Variants in DYNC1I2 observed in about 807,000 individuals in gnomAD.
DYNC1I2 encodes the protein dynein cytoplasmic 1 intermediate chain 2, also known as cytoplasmic dynein 1 intermediate chain 2.
Under a neutral mutation model 88.6 loss-of-function variants are expected in DYNC1I2, and 53 were observed. The observed-to-expected ratio is 0.60, with a 90% CI of 0.48 to 0.75. The LOEUF (loss-of-function observed/expected upper bound fraction) is 0.75, where lower values mean the gene tolerates loss of function less well. DYNC1I2 is among the 30% of genes least tolerant of loss of function. The pLI is 0.00. For synonymous variants in DYNC1I2, 198 were observed against 254.6 expected, an observed-to-expected ratio of 0.78 and a Z score of 2.12; for missense variants, 458 against 766.6, an observed-to-expected ratio of 0.60 and a Z score of 4.75.
Position 171,725,952 on chromosome 2 carries a change from A to G in DYNC1I2, c.641A>G (p.Gln214Arg). 1.3e-6 allele frequency: 2 copies of G among 1,580,544 alleles called. No individual in the cohort carries two copies. Among genetic ancestry groups the G allele is most frequent in the Non-Finnish European group, 1.7e-6 (2 of 1,170,996 alleles). ...PPHELTEEEK[Q>R]QILHSEEFLS... Reference sequence around the variant, plus strand: ...CATGAGCTGACTGAAGAAGAAAAGCAACAAATCTTGCACTCTGAGGAATTT... The same window carrying G: ...CATGAGCTGACTGAAGAAGAAAAGCGACAAATCTTGCACTCTGAGGAATTT... Residue 214 changes from glutamine to arginine, a missense_variant, in exon 9 of 18, where the codon CAA (glutamine) becomes CGA (arginine). Physicochemically the swap from Gln to Arg is conservative, Grantham distance 43. Transcript: ENST00000397119.
intron 3 of DYNC1I2, among the ~76,000 whole-genome samples, chr2:171,699,270 G>A (rs1005783485): frequency 6.6e-6 from 1 of 152,092 alleles, no homozygotes; most frequent in Non-Finnish European, 1.5e-5. Context: ...TCGCGCCATT[G>A]CACTCCAGCC....
chr2:171,730,290 G>A (rs906289625), intron 15 of DYNC1I2, among the ~76,000 whole-genome samples: 1 of 152,200 alleles, frequency 6.6e-6, no homozygotes, highest in Non-Finnish European at 1.5e-5. Context: ...GAGAGAAACT[G>A]ATTTACAATA....
At chr2:171,723,364 A>C (rs1688022593) in intron 7 of DYNC1I2, among the ~76,000 whole-genome samples, 1 of 152,238 alleles carries the variant, frequency 6.6e-6, no homozygotes, top group Non-Finnish European at 1.5e-5. Context: ...ACACTTGATT[A>C]GGATAACTGG....
intron 2 of DYNC1I2, among the ~76,000 whole-genome samples, chr2:171,690,568 A>T (rs952381339): frequency 1.3e-5 from 2 of 151,822 alleles, no homozygotes; most frequent in East Asian, 1.9e-4. Flanking sequence ...CTAAAATTTG[A>T]TTTATTAAAG....
At chr2:171,710,587 GA>G (rs1687043893) in intron 5 of DYNC1I2, among the ~76,000 whole-genome samples, 2 of 152,110 alleles carry the variant, frequency 1.3e-5, no homozygotes, top group African/African-American at 4.8e-5. Flanking sequence ...AAGGTCGTGA[GA>G]AATAATCTCT....
In DYNC1I2 at chr2:171,733,459, CTTTTTTTTTTTTTT is replaced by C. The variant is rs61079902; in HGVS notation, c.1536+3623_1536+3636del. Among the ~76,000 whole-genome samples the C allele has an allele frequency of 5.8e-3, 324 of 55,824 alleles. 1 individual carries two copies. Among genetic ancestry groups the C allele is most frequent in the African/African-American group, 0.021 (302 of 14,194 alleles). The allele number at this position is 55,824 out of a possible 152,430, so 36.6% of individuals were successfully genotyped here. ...TTTTTCTCCACAACCTTGCCAGCAT[CTTTTTTTTTTTTTT>C]TTTTTTTTTTTTTTTTGCTTTTTAA... On this transcript the variant is annotated intron_variant, in intron 15 of 17. Coordinates refer to ENST00000397119, the MANE Select transcript of DYNC1I2 (RefSeq NM_001378.3).
intron 2 of DYNC1I2, among the ~76,000 whole-genome samples, chr2:171,692,090 TA>T (rs1169188630): frequency 2.0e-5 from 3 of 151,984 alleles, no homozygotes; most frequent in Non-Finnish European, 4.4e-5. Flanking sequence ...GAGATTTACA[TA>T]AAAAAAACTT....
chr2:171,726,350 G>T, intron 10 of DYNC1I2, 57 bp downstream of exon 10: 1 of 1,198,962 alleles, frequency 8.3e-7, no homozygotes, highest in Non-Finnish European at 1.2e-6. Flanking sequence ...TAATTAGCAG[G>T]TCATTTTATT....
intron 5 of DYNC1I2, among the ~76,000 whole-genome samples, chr2:171,710,194 A>T (rs1248509678): frequency 6.6e-6 from 1 of 151,772 alleles, no homozygotes; most frequent in Non-Finnish European, 1.5e-5. Context: ...AATTCTACTA[A>T]ATCATATCCA....
intron 6 of DYNC1I2, 67 bp from the exon 7 acceptor site, chr2:171,715,261 C>T: frequency 1.9e-6 from 2 of 1,033,630 alleles, no homozygotes; most frequent in East Asian, 5.3e-5. Flanking sequence ...CTGTTTAATT[C>T]TTAATTTTTG....
intron 15 of DYNC1I2, among the ~76,000 whole-genome samples, chr2:171,737,610 G>T (rs1689100238): frequency 6.6e-6 from 1 of 152,124 alleles, no homozygotes; most frequent in Admixed American, 6.5e-5. Context: ...TAGAGACAGG[G>T]TTTCACCATG....
At chr2:171,703,806 G>A (rs1011252095) in intron 3 of DYNC1I2, among the ~76,000 whole-genome samples, 1 of 152,122 alleles carries the variant, frequency 6.6e-6, no homozygotes, top group African/African-American at 2.4e-5. Context: ...GTGTCCAGAA[G>A]GGGGCATTAT....
chr2:171,738,274 G>A (rs1689153813), intron 15 of DYNC1I2, among the ~76,000 whole-genome samples: 3 of 152,024 alleles, frequency 2.0e-5, no homozygotes, highest in African/African-American at 7.3e-5. Flanking sequence ...GGAGGTTGCA[G>A]TGAGCTGAGA....
chr2:171,694,933 A>C (rs1195268757), intron 3 of DYNC1I2, among the ~76,000 whole-genome samples: 4 of 152,268 alleles, frequency 2.6e-5, no homozygotes, highest in Non-Finnish European at 5.9e-5. Flanking sequence ...AGAGATTTGG[A>C]GGGGATGTCC....
intron 7 of DYNC1I2, among the ~76,000 whole-genome samples, chr2:171,722,421 G>A (rs113006241): frequency 2.6e-5 from 4 of 152,234 alleles, no homozygotes; most frequent in African/African-American, 7.2e-5. Context: ...CAGAGAAAGC[G>A]TGGAGTTAAC....
intron 7 of DYNC1I2, among the ~76,000 whole-genome samples, chr2:171,724,938 C>T (rs554554768): frequency 6.6e-6 from 1 of 152,224 alleles, no homozygotes; most frequent in South Asian, 2.1e-4. Flanking sequence ...CCAATGTATA[C>T]TTTTATTCAA....
chr2:171,707,259 G>A, intron 4 of DYNC1I2, 28 bp from the exon 5 acceptor site: 1 of 1,613,626 alleles, frequency 6.2e-7, no homozygotes, highest in Non-Finnish European at 8.5e-7. Flanking sequence ...TGTAGTAACA[G>A]CGGATACCTG....
At chr2:171,729,459 G>C (rs1469282161) in intron 14 of DYNC1I2, among the ~76,000 whole-genome samples, 1 of 152,126 alleles carries the variant, frequency 6.6e-6, no homozygotes, top group Non-Finnish European at 1.5e-5. Context: ...CACCACTTCA[G>C]ATATTGGACT....
chr2:171,712,874 C>T lies in DYNC1I2; in HGVS notation c.395+48C>T, dbSNP rs553229933. On this transcript the variant is annotated intron_variant, in intron 6 of 17. Transcript: ENST00000397119. ...TCCCTGTTTTATAATGAATTTGATTCTTTGTGAAACTGTCCTAATTTTATT... is the reference window on the plus strand; with the variant it reads ...TCCCTGTTTTATAATGAATTTGATTTTTTGTGAAACTGTCCTAATTTTATT... 7.5e-6 allele frequency: 11 copies of T among 1,459,774 alleles called. No homozygotes were observed. The South Asian group carries it at 1.0e-4, about 14-fold the overall frequency. The allele number at this position is 1,459,774 out of a possible 1,614,324, so 90.4% of individuals were successfully genotyped here. A position where few individuals can be genotyped will look rare whatever the true frequency, so the allele number is the denominator to read the frequency against.
Sources: allele counts gnomAD v4.1 joint callset (sites outside exome capture counted in the v4.1 genomes callset), GRCh38; gene constraint gnomAD v4.1.1; transcripts MANE v1.5; gene names NCBI Gene and HGNC (gene_info 2026-07-23, HGNC 2026-07-21).